The following PCDHGA3 variants were observed in gnomAD, a reference collection of about 807,000 sequenced individuals.
The protein encoded by PCDHGA3 is protocadherin gamma-A3.
Under a neutral mutation model 58.5 loss-of-function variants are expected in PCDHGA3, and 40 were observed. The ratio of observed to expected loss-of-function variants is 0.68; its 90% CI spans 0.53 to 0.89. PCDHGA3 has a LOEUF of 0.89. Ranked by LOEUF, PCDHGA3 falls within the 40% of genes least tolerant of loss-of-function variation. PCDHGA3 has a pLI of 0.00. For synonymous variants in PCDHGA3, 530 were observed against 525.7 expected (o/e 1.01, Z -0.11); for missense variants, 1,223 against 1,195.9 (o/e 1.02, Z -0.33).
chr5:141,441,041 C>T (rs2098220628), intron 1 of PCDHGA3: 1 of 152,152 alleles, frequency 6.6e-6, no homozygotes, highest in African/African-American at 2.4e-5. Context: ...ACTTTAAGTA[C>T]ATTGGACTTT....
Position 141,344,255 on chromosome 5 carries a change from T to A in PCDHGA3, c.222T>A (p.Leu74=). The A allele has an allele frequency of 6.2e-7, 1 of 1,614,042 alleles. No homozygotes were observed. The highest frequency in any genetic ancestry group is 8.5e-7 in the Non-Finnish European group (1 of 1,179,906). ...VRIVSRGRTQ[L]FSLNPQSGSL... is the part of the protein sequence containing the mutation. ...TCGTCTCCAGAGGTAGGACGCAGCT[T>A]TTCTCTCTGAATCCGCAAAGCGGCA... Residue 74 remains leucine (L), a synonymous_variant, in exon 1 of 4, where the codon CTT becomes CTA. Coordinates refer to ENST00000253812, the MANE Select transcript of PCDHGA3 (RefSeq NM_018916.4).
chr5:141,399,001 T>G, intron 1 of PCDHGA3: 1 of 1,613,890 alleles, frequency 6.2e-7, no homozygotes, highest in Non-Finnish European at 8.5e-7. Context: ...TAGTCTGAAT[T>G]CAAAGAGCGG....
At chr5:141,417,932 T>A (rs1398348549) in intron 1 of PCDHGA3, 2 of 1,611,670 alleles carry the variant, frequency 1.2e-6, no homozygotes, top group East Asian at 4.5e-5. Flanking sequence ...GCTGCCTTTG[T>A]TCTACCCCAC....
intron 2 of PCDHGA3, among the ~76,000 whole-genome samples, chr5:141,496,903 A>G (rs990378360): frequency 1.1e-4 from 16 of 150,744 alleles, no homozygotes; most frequent in Non-Finnish European, 2.4e-4. Flanking sequence ...AAAAAAAAAA[A>G]GGCTGGGCAC....
intron 1 of PCDHGA3, among the ~76,000 whole-genome samples, chr5:141,449,978 T>A (rs1025332419): frequency 6.6e-6 from 1 of 151,030 alleles, no homozygotes; most frequent in Non-Finnish European, 1.5e-5. Context: ...GTCCAAAATA[T>A]CACACATTGC....
chr5:141,482,588 C>T (rs559327092), intron 1 of PCDHGA3, among the ~76,000 whole-genome samples: 3 of 147,192 alleles, frequency 2.0e-5, no homozygotes, highest in Admixed American at 6.8e-5. Context: ...GCAGTGGGAC[C>T]AAACGGGAAA....
At chr5:141,473,439 A>G (rs2099322281) in intron 1 of PCDHGA3, among the ~76,000 whole-genome samples, 1 of 152,210 alleles carries the variant, frequency 6.6e-6, no homozygotes, top group African/African-American at 2.4e-5. Flanking sequence ...TTGCTTATGC[A>G]AAAATAATTA....
Position 141,485,256 on chromosome 5 carries a change from G to A in PCDHGA3, c.2425-9551G>A, listed in dbSNP as rs770176450. The A allele has an allele frequency of 6.2e-7, 1 of 1,614,186 alleles. No homozygotes were observed. Among genetic ancestry groups the A allele is most frequent in the Non-Finnish European group, 8.5e-7 (1 of 1,179,996 alleles). On this transcript the variant is annotated intron_variant, in intron 1 of 3. Transcript: ENST00000253812. The surrounding 1 kb of genome is among the most constrained non-coding windows in gnomAD (Gnocchi z 5.7). ...CTCTTTTACCACCTGGGTTACGTTTGTGGGCAGATCCGCTACCCGGTCCCA... is the reference window on the plus strand; with the variant it reads ...CTCTTTTACCACCTGGGTTACGTTTATGGGCAGATCCGCTACCCGGTCCCA...
chr5:141,377,890 C>T (rs1204585448), intron 1 of PCDHGA3: 1 of 152,090 alleles, frequency 6.6e-6, no homozygotes, highest in African/African-American at 2.4e-5. Context: ...GATAGGATCC[C>T]CCTCTGTTGC....
intron 1 of PCDHGA3, chr5:141,361,379 T>C: frequency 6.2e-7 from 1 of 1,613,918 alleles, no homozygotes; most frequent in South Asian, 1.1e-5. Context: ...CGGGAGGAGA[T>C]CCCAGAATAC....
chr5:141,409,155 A>T, intron 1 of PCDHGA3: 1 of 1,614,036 alleles, frequency 6.2e-7, no homozygotes, highest in Non-Finnish European at 8.5e-7. Context: ...TACACCATGG[A>T]AGTGGAAGCG....
chr5:141,362,360 A>G lies in PCDHGA3; in HGVS notation c.2424+15903A>G, dbSNP rs758755542. 153 of 1,613,924 alleles carry G rather than the reference A, an allele frequency of 9.5e-5. No homozygotes were observed. In the South Asian group the frequency reaches 1.3e-3, roughly 14 times the overall value. On this transcript the variant is annotated intron_variant, in intron 1 of 3. Transcript: ENST00000253812. ...AAGCCTGGACCTGGGGTTCTCCCCA[A>G]TTACAGTGAGGGTACATTGCCCTAT...
chr5:141,344,950 G>T lies in PCDHGA3; in HGVS notation c.917G>T (p.Ser306Ile). Reference sequence around the variant, plus strand: ...AGTGGAGAAGTATCAATATTAAAAAGTCTAGATTATGAGGATGCCATGTTC... The same window carrying T: ...AGTGGAGAAGTATCAATATTAAAAATTCTAGATTATGAGGATGCCATGTTC... ...SVSGEVSILKSLDYEDAMFYE... is the reference protein window; with the variant it reads ...SVSGEVSILKILDYEDAMFYE... The change falls in exon 1 of 4, where the codon AGT (serine) becomes ATT (isoleucine). Residue 306 changes from serine (S) to isoleucine (I), a missense_variant. Physicochemically the swap from Ser to Ile is moderately radical, Grantham distance 142. Transcript: ENST00000253812. 6.2e-7 allele frequency: 1 copy of T among 1,613,844 alleles called. No individual in the cohort carries two copies. Among genetic ancestry groups the T allele is most frequent in the Non-Finnish European group, 8.5e-7 (1 of 1,179,790 alleles).
In PCDHGA3 at chr5:141,374,709, G is replaced by T. The variant is rs774211225; in HGVS notation, c.2424+28252G>T. 6.8e-6 allele frequency: 11 copies of T among 1,608,934 alleles called. No individual in the cohort carries two copies. The African/African-American group carries it at 8.0e-5, about 12-fold the overall frequency. On this transcript the variant is annotated intron_variant, in intron 1 of 3. Coordinates refer to ENST00000253812, the MANE Select transcript of PCDHGA3 (RefSeq NM_018916.4). ...GACCGGGAAGGAGAAGCCGTTTACC[G>T]CCTGGTCCTTACTGCCATGGATGGC...
intron 1 of PCDHGA3, chr5:141,372,032 G>A (rs1177751501): frequency 1.2e-6 from 2 of 1,613,340 alleles, no homozygotes; most frequent in Non-Finnish European, 1.7e-6. Context: ...GCGCCAACGT[G>A]AGCCTGCGCG....
chr5:141,346,727 A>T (rs1757797400), intron 1 of PCDHGA3, among the ~76,000 whole-genome samples: 1 of 152,166 alleles, frequency 6.6e-6, no homozygotes, highest in South Asian at 2.1e-4. Flanking sequence ...GAATTTTCAG[A>T]TCTCTAAGTT....
chr5:141,390,101 CA>C (rs1212774339), intron 1 of PCDHGA3: 8 of 1,613,946 alleles, frequency 5.0e-6, no homozygotes, highest in Non-Finnish European at 6.8e-6. Flanking sequence ...TGGTTCCCCC[CA>C]ACTACAGCGA....
At chr5:141,369,672 A>G (rs545394407) in intron 1 of PCDHGA3, among the ~76,000 whole-genome samples, 2 of 152,370 alleles carry the variant, frequency 1.3e-5, no homozygotes, top group East Asian at 3.9e-4. Flanking sequence ...AAGAGAAGAA[A>G]GTGAAACATA....
intron 1 of PCDHGA3, chr5:141,404,146 A>G: frequency 1.2e-6 from 2 of 1,613,058 alleles, no homozygotes; most frequent in Non-Finnish European, 1.7e-6. Context: ...AAAATTCAGA[A>G]GAAGATTATT....
Sources: allele counts gnomAD v4.1 joint callset (sites outside exome capture counted in the v4.1 genomes callset), GRCh38; gene constraint gnomAD v4.1.1; non-coding constraint Gnocchi (gnomAD v3.1); transcripts MANE v1.5; gene names NCBI Gene and HGNC (gene_info 2026-07-23, HGNC 2026-07-21).